The following FBLN7 variants were observed in gnomAD, a reference collection of about 807,000 sequenced individuals.
The protein encoded by FBLN7 is fibulin-7.
A neutral mutation model predicts 44.0 loss-of-function variants in FBLN7; 31 were observed. The observed-to-expected ratio is 0.70, with a 90% CI of 0.53 to 0.95. FBLN7 has a LOEUF of 0.95. Among genes scored for constraint, FBLN7 ranks in the 40% least tolerant of loss-of-function variants. The probability of loss-of-function intolerance (pLI) is 0.00; values close to 1 mark genes in which losing one functional copy is unlikely to be tolerated. For synonymous variants in FBLN7, 262 were observed against 253.4 expected (o/e 1.03, Z -0.32); for missense variants, 573 against 618.5 (o/e 0.93, Z 0.78).
At chr2:112,201,723 C>T in the FBLN7 span, among the ~76,000 whole-genome samples, 1 of 152,206 alleles carries the variant, frequency 6.6e-6, no homozygotes, top group Non-Finnish European at 1.5e-5. Flanking sequence ...CATTCAGTCT[C>T]TGAGATAATA....
intron 1 of FBLN7, among the ~76,000 whole-genome samples, chr2:112,144,076 T>C (rs1212801136): frequency 1.3e-5 from 2 of 152,224 alleles, no homozygotes; most frequent in African/African-American, 4.8e-5. Flanking sequence ...CAGACATCAT[T>C]CTATTTATAG....
rs764856548 is a variant in FBLN7 at position 112,162,557 on chromosome 2, C to T, written c.236-2444C>T. Reference sequence around the variant, plus strand: ...CACTCCTTACATGCTAACTTCACCTCGGAAGGCGCAGGGAGCTTCGCTGTG... The same window carrying T: ...CACTCCTTACATGCTAACTTCACCTTGGAAGGCGCAGGGAGCTTCGCTGTG... On this transcript the variant is annotated intron_variant, in intron 2 of 7. Coordinates refer to ENST00000331203, the MANE Select transcript of FBLN7 (RefSeq NM_153214.3). Among the ~76,000 whole-genome samples the T allele has an allele frequency of 4.3e-4, 65 of 152,114 alleles. 1 individual carries two copies. Among genetic ancestry groups the T allele is most frequent in the Non-Finnish European group, 5.1e-4 (35 of 68,026 alleles).
chr2:112,160,157 AT>A (rs1268511064), intron 2 of FBLN7, among the ~76,000 whole-genome samples: 1 of 151,850 alleles, frequency 6.6e-6, no homozygotes, highest in Non-Finnish European at 1.5e-5. Flanking sequence ...CGCCCGGCTA[AT>A]TTTTTGTATT....
the FBLN7 span, chr2:112,213,775 C>CAAAAA: frequency 1.2e-4 from 3 of 24,066 alleles, no homozygotes; most frequent in African/African-American, 2.0e-4. Flanking sequence ...GACTCCGTCT[C>CAAAAA]AAAAAAAAAA....
intron 5 of FBLN7, among the ~76,000 whole-genome samples, chr2:112,182,335 C>T (rs1031303213): frequency 1.6e-4 from 24 of 152,172 alleles, no homozygotes; most frequent in Non-Finnish European, 3.1e-4. Context: ...TCTCCCCAAA[C>T]AACGCAAAGC....
At chr2:112,206,286 AG>A in the FBLN7 span, among the ~76,000 whole-genome samples, 1 of 152,162 alleles carries the variant, frequency 6.6e-6, no homozygotes, top group Admixed American at 6.5e-5. Flanking sequence ...TTTGCCTAAA[AG>A]TTTATCAGTT....
intron 1 of FBLN7, among the ~76,000 whole-genome samples, chr2:112,155,909 C>T (rs1165834705): frequency 6.6e-6 from 1 of 152,240 alleles, no homozygotes; most frequent in Admixed American, 6.5e-5. Flanking sequence ...TGGCAGTATG[C>T]TTGCCCTTCC....
the FBLN7 span, chr2:112,236,825 C>T: frequency 2.4e-6 from 2 of 845,730 alleles, no homozygotes; most frequent in Non-Finnish European, 3.6e-6. Flanking sequence ...GGCAGGAGGA[C>T]TGCTCAAAGC....
chr2:112,170,006 C>T (rs548750151), intron 3 of FBLN7, among the ~76,000 whole-genome samples: 6 of 152,178 alleles, frequency 3.9e-5, no homozygotes, highest in Admixed American at 1.3e-4. Flanking sequence ...TTTGGGAGGC[C>T]GAGGTGGATG....
chr2:112,209,494 A>G, the FBLN7 span, among the ~76,000 whole-genome samples: 1 of 152,226 alleles, frequency 6.6e-6, no homozygotes, highest in African/African-American at 2.4e-5. Flanking sequence ...GAAATATACC[A>G]TAAACTTAGG....
intron 1 of FBLN7, 59 bp downstream of exon 1, chr2:112,138,789 GTGTCCCTCCCGCCTCTCTCC>G: frequency 7.0e-7 from 1 of 1,427,766 alleles, no homozygotes; most frequent in Non-Finnish European, 9.3e-7. Context: ...CTCCAGGCCA[GTGTCCCTCCCGCCTCTCTCC>G]AGGCCAGCGT....
At chr2:112,148,623 T>G (rs1680998240) in intron 1 of FBLN7, among the ~76,000 whole-genome samples, 1 of 152,264 alleles carries the variant, frequency 6.6e-6, no homozygotes, top group South Asian at 2.1e-4. Flanking sequence ...TCATCTGGAC[T>G]GGCCTTGCTC....
chr2:112,243,906 AT>A, the FBLN7 span, among the ~76,000 whole-genome samples: 2 of 152,234 alleles, frequency 1.3e-5, no homozygotes, highest in African/African-American at 4.8e-5. Context: ...ATATTAAAAA[AT>A]ATATTCAAAA....
chr2:112,177,448 G>T (rs1023810571), intron 4 of FBLN7: 2 of 152,228 alleles, frequency 1.3e-5, no homozygotes, highest in East Asian at 3.8e-4. Context: ...CCATCAGCTG[G>T]CCCATGCCTT....
the FBLN7 span, among the ~76,000 whole-genome samples, chr2:112,194,077 C>T: frequency 6.6e-6 from 1 of 152,166 alleles, no homozygotes; most frequent in East Asian, 1.9e-4. Context: ...TTGCTTCCCT[C>T]AGCTGGGAAG....
Position 112,182,700 on chromosome 2 carries a change from C to T in FBLN7, c.671-91C>T, listed in dbSNP as rs1683063645. On this transcript the variant is annotated intron_variant, in intron 5 of 7. Transcript: ENST00000331203. ...GCCACTTAACTGCAGCTGCCACTGC[C>T]TCCAGGAATTGAAGCATGATTGTTC... The T allele has an allele frequency of 2.7e-6, 4 of 1,470,508 alleles. No homozygotes were observed. The East Asian group carries it at 1.0e-4, about 37-fold the overall frequency. The allele number at this position is 1,470,508 out of a possible 1,614,324, so 91.1% of individuals were successfully genotyped here.
Position 112,181,786 on chromosome 2 carries a change from C to G in FBLN7, c.580C>G (p.Pro194Ala). ...VAGDSAFSRA[P>A]RCAQVERAQH... ...CGGCGACTCCGCCTTCAGCCGCGCG[C>G]CGCGCTGTGCGCAGGTGGAGCGGGC... Residue 194 changes from proline to alanine, a missense_variant, in exon 5 of 8, where the codon CCG becomes GCG. Physicochemically the swap from Pro to Ala is conservative, Grantham distance 27 (BLOSUM62 -1). Transcript: ENST00000331203. The G allele has an allele frequency of 1.4e-6, 2 of 1,454,072 alleles. No homozygotes were observed. The highest frequency in any genetic ancestry group is 1.8e-6 in the Non-Finnish European group (2 of 1,109,266). The allele number at this position is 1,454,072 out of a possible 1,614,324, so 90.1% of individuals were successfully genotyped here. A position where few individuals can be genotyped will look rare whatever the true frequency, so the allele number is the denominator to read the frequency against.
At chr2:112,159,986 T>A (rs1373381642) in intron 2 of FBLN7, 151 bp downstream of exon 2, 21 of 507,960 alleles carry the variant, frequency 4.1e-5, no homozygotes, top group Non-Finnish European at 5.6e-5. Context: ...TTATTTATTA[T>A]TTATTTATTT....
intron 1 of FBLN7, among the ~76,000 whole-genome samples, chr2:112,156,670 A>G: frequency 6.6e-6 from 1 of 152,174 alleles, no homozygotes; most frequent in East Asian, 1.9e-4. Context: ...GGGAGGAGGA[A>G]GGAAAACAAA....
Sources: gnomAD v4.1 joint callset for allele counts (sites outside exome capture counted in the v4.1 genomes callset) on GRCh38, gnomAD v4.1.1 for gene constraint, MANE v1.5 for transcripts, NCBI Gene and HGNC (gene_info 2026-07-23, HGNC 2026-07-21) for gene names.